The following NID1 variants were observed in gnomAD, a reference collection of about 807,000 sequenced individuals.
The protein encoded by NID1 is nidogen 1, also known as nidogen-1.
NID1 carries 76 observed loss-of-function variants against 130.6 expected under a neutral mutation model. The ratio of observed to expected loss-of-function variants is 0.58; its 90% CI spans 0.48 to 0.70. The LOEUF (loss-of-function observed/expected upper bound fraction) is 0.70. NID1 is among the 30% of genes least tolerant of loss of function. NID1 has a pLI of 0.00. For synonymous variants in NID1, 665 were observed against 675.1 expected, an observed-to-expected ratio of 0.98 and a Z score of 0.23; for missense variants, 1,517 against 1,664.8, an observed-to-expected ratio of 0.91 and a Z score of 1.54.
At chr1:236,001,916 A>C (rs10803214) in intron 12 of NID1, among the ~76,000 whole-genome samples, 1 of 152,080 alleles carries the variant, frequency 6.6e-6, no homozygotes, top group South Asian at 2.1e-4. Context: ...ATTCTACCAC[A>C]GCAGGGCTTT....
chr1:236,022,977 T>G (rs114172233), intron 9 of NID1, among the ~76,000 whole-genome samples: 3,050 of 151,018 alleles, frequency 0.02, 96 homozygotes, highest in African/African-American at 0.069. Context: ...GTGAATCACT[T>G]GAGCCCAGGA....
At chr1:236,043,072 T>A (rs932132366) in intron 3 of NID1, among the ~76,000 whole-genome samples, 1 of 152,190 alleles carries the variant, frequency 6.6e-6, no homozygotes, top group Non-Finnish European at 1.5e-5. Context: ...GGAAGGCTGG[T>A]GTACTCAGAG....
At chr1:236,018,363 A>G (rs1658661499) in intron 9 of NID1, among the ~76,000 whole-genome samples, 1 of 152,230 alleles carries the variant, frequency 6.6e-6, no homozygotes, top group South Asian at 2.1e-4. Flanking sequence ...AGGTCAGAGA[A>G]GCACCCAACA....
intron 9 of NID1, among the ~76,000 whole-genome samples, chr1:236,020,602 G>C (rs1009194778): frequency 2.6e-5 from 4 of 152,110 alleles, no homozygotes; most frequent in African/African-American, 9.7e-5. Context: ...ACCCTTGTTT[G>C]GGGTGTCATA....
chr1:235,986,349 A>C (rs928289313), intron 14 of NID1, among the ~76,000 whole-genome samples: 1 of 152,168 alleles, frequency 6.6e-6, no homozygotes, highest in Admixed American at 6.5e-5. Context: ...TCTAGCAAGG[A>C]TGCAAGATAC....
At chr1:236,013,131 C>A (rs1420640670) in intron 11 of NID1, among the ~76,000 whole-genome samples, 1 of 152,158 alleles carries the variant, frequency 6.6e-6, no homozygotes, top group East Asian at 1.9e-4. Flanking sequence ...TTGTGAAAGA[C>A]AGAAAATATC....
rs768973185 is a variant in NID1, at chr1:236,032,372, C to G, written c.1537+29G>C. On this transcript the variant is annotated intron_variant, in intron 6 of 19. Coordinates refer to ENST00000264187, the MANE Select transcript of NID1 (RefSeq NM_002508.3). ...TCCCCCTAGGCACTACTGTGTGACC[C>G]ACTAATTTTAATGTCGGATATAAAT... The G allele has an allele frequency of 2.5e-6, 4 of 1,608,766 alleles. No individual in the cohort carries two copies. In the East Asian group the frequency reaches 8.9e-5, roughly 36 times the overall value.
At chr1:236,057,586 C>T (rs944224250) in intron 1 of NID1, among the ~76,000 whole-genome samples, 24 of 151,552 alleles carry the variant, frequency 1.6e-4, no homozygotes, top group Non-Finnish European at 2.9e-4. Flanking sequence ...AAAAATTAGC[C>T]GGGCGTGGTC....
rs1658919634 is a variant in NID1 at position 236,026,034 on chromosome 1, G to A, written c.1846C>T (p.Gln616Ter). The A allele has an allele frequency of 6.2e-7, 1 of 1,613,800 alleles. No individual in the cohort carries two copies. Among genetic ancestry groups the A allele is most frequent in the Non-Finnish European group, 8.5e-7 (1 of 1,179,990 alleles). Residue 616 changes from glutamine (Q) to a stop codon, truncating the protein, a stop_gained, in exon 8 of 20, where the codon CAG (glutamine) becomes TAG (stop). Transcript: ENST00000264187. LOFTEE classifies it high-confidence loss of function. ...TYQWRQTITF[Q>*]ECVHDDSRPA... ...CGGGAGTCATCGTGGACGCATTCCTGGAAGGTGATGGTCTGGCGCCACTGG... is the reference window on the plus strand; with the variant it reads ...CGGGAGTCATCGTGGACGCATTCCTAGAAGGTGATGGTCTGGCGCCACTGG...
chr1:235,985,207 A>C (rs1302416961), intron 15 of NID1, among the ~76,000 whole-genome samples, 172 bp downstream of exon 15: 2 of 152,080 alleles, frequency 1.3e-5, no homozygotes, highest in Admixed American at 1.3e-4. Context: ...AAAAAAAGAA[A>C]AAAAAAAGTA....
intron 14 of NID1, among the ~76,000 whole-genome samples, chr1:235,986,651 A>T (rs1431302456): frequency 2.0e-5 from 3 of 152,182 alleles, no homozygotes; most frequent in Non-Finnish European, 4.4e-5. Flanking sequence ...TTGTAGAGAC[A>T]GCGTCTCACT....
chr1:236,048,854 A>T lies in NID1; in HGVS notation c.361T>A (p.Tyr121Asn), dbSNP rs1370688618. 6.2e-7 allele frequency: 1 copy of T among 1,614,152 alleles called. No individual in the cohort carries two copies. Among genetic ancestry groups the T allele is most frequent in the Admixed American group, 1.7e-5 (1 of 60,020 alleles). The change falls in exon 2 of 20, where the codon TAT (tyrosine) becomes AAT (asparagine). Residue 121 changes from tyrosine to asparagine, a missense_variant. Around this residue, in one of 3 missense-constraint regions of NID1, gnomAD observed 1,329 missense variants for 1,429.2 expected, o/e 0.93. Transcript: ENST00000264187. Reference protein sequence around the residue: ...LDTTDGLGKVYYREDLSPSIT... With the variant: ...LDTTDGLGKVNYREDLSPSIT... Reference sequence around the variant, plus strand: ...GAGGGGGATAAGTCTTCTCGATAATAAACCTTCCCCAGGCCATCGGTCGTG... The same window carrying T: ...GAGGGGGATAAGTCTTCTCGATAATTAACCTTCCCCAGGCCATCGGTCGTG...
chr1:236,004,240 T>G (rs1658177911), intron 12 of NID1, among the ~76,000 whole-genome samples: 1 of 151,904 alleles, frequency 6.6e-6, no homozygotes, highest in Non-Finnish European at 1.5e-5. Context: ...ATTAACTAGG[T>G]AACAAAATCC....
At chr1:236,064,244 A>G (rs912775041) in intron 1 of NID1, among the ~76,000 whole-genome samples, 5 of 152,168 alleles carry the variant, frequency 3.3e-5, no homozygotes, top group African/African-American at 1.2e-4. Context: ...CGTGGTGACA[A>G]TGCCTGGCCA....
intron 4 of NID1, among the ~76,000 whole-genome samples, chr1:236,038,985 A>G (rs1659357810): frequency 7.1e-6 from 1 of 140,834 alleles, no homozygotes; most frequent in East Asian, 2.0e-4. Flanking sequence ...GTAAATATGT[A>G]CATATACATA....
chr1:236,062,299 A>C (rs1250318613), intron 1 of NID1, among the ~76,000 whole-genome samples: 3 of 152,196 alleles, frequency 2.0e-5, no homozygotes, highest in Non-Finnish European at 4.4e-5. Context: ...GTTGAAGAGA[A>C]TGATAATCTT....
chr1:235,991,628 C>T (rs996889548), intron 13 of NID1, among the ~76,000 whole-genome samples: 8 of 151,782 alleles, frequency 5.3e-5, no homozygotes, highest in Non-Finnish European at 1.0e-4. Flanking sequence ...CCACTGTGCC[C>T]GGCCGGCCTC....
intron 12 of NID1, among the ~76,000 whole-genome samples, chr1:236,011,158 G>A (rs1213372467): frequency 2.0e-5 from 3 of 152,262 alleles, no homozygotes; most frequent in African/African-American, 7.2e-5. Context: ...TGCTTAAAAA[G>A]CGATGGGATG....
At position 236,042,109 on chromosome 1, in the gene NID1, G is replaced by A; in HGVS notation, c.936C>T (p.Pro312=). ...CCCTTCTCAGAGCCTTGTAGGAGAA[G>A]GGCGTGGTGCCCACATCCTCCAGGC... ...RLGLEDVGTT[P]FSYKALRRGG... is the part of the protein sequence containing the mutation. The change falls in exon 4 of 20, where the codon CCC becomes CCT. Residue 312 remains proline (P), a synonymous_variant. Transcript: ENST00000264187. The A allele has an allele frequency of 6.2e-7, 1 of 1,614,174 alleles. No homozygotes were observed. The highest frequency in any genetic ancestry group is 1.3e-5 in the African/African-American group (1 of 75,026).
Sources: allele counts gnomAD v4.1 joint callset (sites outside exome capture counted in the v4.1 genomes callset), GRCh38; gene constraint gnomAD v4.1.1; regional missense constraint gnomAD v4.1.1; transcripts MANE v1.5; gene names NCBI Gene and HGNC (gene_info 2026-07-23, HGNC 2026-07-21).